HYDIN: variants seen among roughly 807,000 people sequenced by gnomAD.
The protein encoded by HYDIN is HYDIN axonemal central pair apparatus protein.
HYDIN carries 132 observed loss-of-function variants against 403.9 expected under a neutral mutation model. That is an observed-to-expected ratio of 0.33 (90% CI 0.28 to 0.38). HYDIN has a LOEUF of 0.38. Ranked by LOEUF, HYDIN falls within the 10% of genes least tolerant of loss-of-function variation. HYDIN has a pLI of 1.00. For synonymous variants in HYDIN, 1,202 were observed against 1,891.7 expected, an observed-to-expected ratio of 0.64 and a Z score of 9.46; for missense variants, 2,827 against 5,009.5, an observed-to-expected ratio of 0.56 and a Z score of 13.15.
chr16:70,862,859 TG>T (rs2039498233), intron 68 of HYDIN, among the ~76,000 whole-genome samples: 1 of 152,094 alleles, frequency 6.6e-6, no homozygotes, highest in South Asian at 2.1e-4. Flanking sequence ...TATCTTGAGA[TG>T]GGGCATTGGC....
chr16:70,902,821 A>AT lies in HYDIN; in HGVS notation c.8849+803dup, dbSNP rs60618592. On this transcript the variant is annotated intron_variant, in intron 52 of 85. Coordinates refer to ENST00000393567, the MANE Select transcript of HYDIN (RefSeq NM_001270974.2). The stretch of plus-strand genomic sequence containing the variant: ...TATATATATATATATATATATATAT[A>AT]TTTTTTTTTTTTTTTTTGTCCCACT... Among the ~76,000 whole-genome samples, 30 of 47,304 alleles carry AT rather than the reference A, an allele frequency of 6.3e-4. 2 individuals are homozygous for AT. Among genetic ancestry groups the AT allele is most frequent in the Middle Eastern group, 0.03 (2 of 66 alleles). 31.0% of individuals were successfully genotyped at this position (47,304 alleles called of 152,430 possible).
At chr16:70,957,140 C>A (rs2078266599) in intron 39 of HYDIN, among the ~76,000 whole-genome samples, 1 of 151,506 alleles carries the variant, frequency 6.6e-6, no homozygotes, top group Non-Finnish European at 1.5e-5. Flanking sequence ...CCCCAGTACC[C>A]ACCACCCTCC....
intron 73 of HYDIN, chr16:70,852,572 A>AC (rs1215679762): frequency 7.2e-6 from 1 of 139,294 alleles, no homozygotes; most frequent in Non-Finnish European, 1.5e-5. Context: ...AAGGAGCACT[A>AC]CCTAAACATG....
intron 52 of HYDIN, among the ~76,000 whole-genome samples, chr16:70,901,584 C>CTTTTTT (rs77192535): frequency 8.1e-6 from 1 of 123,328 alleles, no homozygotes; most frequent in South Asian, 2.5e-4. Context: ...TATTTTCTTT[C>CTTTTTT]TTTTTTTTTT....
Position 71,093,926 on chromosome 16 carries a change from A to G in HYDIN, c.1337T>C (p.Ile446Thr). ...CCCTTTGATTCGGAGGGGCAGACGG[A>G]TTTCTCGGCCTAGAAAAACAATTCA... is the stretch of plus-strand genomic sequence containing the variant. Reference protein sequence around the residue: ...TIYCDILGREIRLPLRIKGEG... With the variant: ...TIYCDILGRETRLPLRIKGEG... The change falls in exon 11 of 86, where the codon ATC becomes ACC. Residue 446 changes from isoleucine (I) to threonine (T), a missense_variant. Coordinates refer to ENST00000393567, the MANE Select transcript of HYDIN (RefSeq NM_001270974.2). 6.2e-7 allele frequency: 1 copy of G among 1,613,448 alleles called. No homozygotes were observed. The highest frequency in any genetic ancestry group is 8.5e-7 in the Non-Finnish European group (1 of 1,179,662).
chr16:70,954,679 C>T (rs60991012), intron 40 of HYDIN, among the ~76,000 whole-genome samples: 2,827 of 152,214 alleles, frequency 0.019, 47 homozygotes, highest in Middle Eastern at 0.075. Flanking sequence ...TCGGGTTGGC[C>T]GGCCCAGGCC....
rs2080921912 is a variant in HYDIN at position 71,031,784 on chromosome 16, TCAATGTC to T, written c.2656_2662del (p.Asp886LysfsTer46). On this transcript the variant is annotated frameshift_variant, in exon 19 of 86. Transcript: ENST00000393567. LOFTEE classifies it high-confidence loss of function. ...AGGAATCCGATAGGTACTGCTATTT[TCAATGTC>T]CAAAATAACACAGTCCTTGAATGTC... The T allele has an allele frequency of 7.6e-7, 1 of 1,308,298 alleles. No homozygotes were observed. The highest frequency in any genetic ancestry group is 2.3e-5 in the East Asian group (1 of 43,564). The allele number at this position is 1,308,298 out of a possible 1,614,324, so 81.0% of individuals were successfully genotyped here.
At chr16:70,877,496 T>C (rs1211916191) in intron 62 of HYDIN, among the ~76,000 whole-genome samples, 1 of 152,228 alleles carries the variant, frequency 6.6e-6, no homozygotes, top group Non-Finnish European at 1.5e-5. Flanking sequence ...CACCAGGAAC[T>C]GGTTTCATGG....
intron 5 of HYDIN, among the ~76,000 whole-genome samples, chr16:71,173,283 C>T (rs1043576616): frequency 6.6e-6 from 1 of 152,176 alleles, no homozygotes; most frequent in Non-Finnish European, 1.5e-5. Context: ...AGTATAACAA[C>T]ATTTAACTCA....
At chr16:70,999,814 G>A (rs1048349348) in intron 23 of HYDIN, among the ~76,000 whole-genome samples, 8 of 152,024 alleles carry the variant, frequency 5.3e-5, no homozygotes, top group African/African-American at 1.9e-4. Flanking sequence ...CCTTGCCCTT[G>A]AAGTAACTTT....
rs922098893 is a variant in HYDIN at position 71,145,320 on chromosome 16, T to C, written c.841+7339A>G. On this transcript the variant is annotated intron_variant, in intron 7 of 85. Transcript: ENST00000393567. ...GCCAGGCTGGAGTGTAGTGGCACGATCTTGCCTCACTGTAACCTCCGACTC... is the reference window on the plus strand; with the variant it reads ...GCCAGGCTGGAGTGTAGTGGCACGACCTTGCCTCACTGTAACCTCCGACTC... Among the ~76,000 whole-genome samples the C allele has an allele frequency of 4.7e-4, 72 of 152,008 alleles. 1 individual carries two copies. The highest frequency in any genetic ancestry group is 1.7e-3 in the African/African-American group (70 of 41,470).
intron 23 of HYDIN, among the ~76,000 whole-genome samples, chr16:71,016,868 C>A (rs1281119830): frequency 6.6e-6 from 1 of 152,056 alleles, no homozygotes; most frequent in African/African-American, 2.4e-5. Flanking sequence ...AAGCCAGTCA[C>A]GGGAAGATAC....
At chr16:71,219,303 A>AT (rs973307062) in intron 1 of HYDIN, among the ~76,000 whole-genome samples, 1 of 152,098 alleles carries the variant, frequency 6.6e-6, no homozygotes, top group Non-Finnish European at 1.5e-5. Context: ...AGAAGATGCC[A>AT]TTTTAAAAAA....
intron 5 of HYDIN, among the ~76,000 whole-genome samples, chr16:71,169,465 TAC>T (rs1345035913): frequency 6.6e-6 from 1 of 151,994 alleles, no homozygotes; most frequent in Non-Finnish European, 1.5e-5. Context: ...GGCATATATA[TAC>T]AATGGAATAC....
chr16:71,217,372 G>A (rs1167625442), intron 1 of HYDIN, among the ~76,000 whole-genome samples: 1 of 152,144 alleles, frequency 6.6e-6, no homozygotes, highest in African/African-American at 2.4e-5. Flanking sequence ...TCTGAATTAA[G>A]TAGAGATCTC....
intron 83 of HYDIN, among the ~76,000 whole-genome samples, chr16:70,824,071 A>T (rs11310919): frequency 2.9e-4 from 44 of 150,876 alleles, no homozygotes; most frequent in Admixed American, 4.0e-4. Flanking sequence ...TTTTTTTTTT[A>T]TAGTGGGAGG....
chr16:70,845,066 TC>T (rs2038106525), intron 75 of HYDIN, among the ~76,000 whole-genome samples: 1 of 44,810 alleles, frequency 2.2e-5, no homozygotes, highest in Non-Finnish European at 3.8e-5. Context: ...GGCCAGAACT[TC>T]CAACACTATG....
At chr16:71,040,804 T>A (rs1250265188) in intron 18 of HYDIN, among the ~76,000 whole-genome samples, 2 of 114,164 alleles carry the variant, frequency 1.8e-5, no homozygotes, top group Non-Finnish European at 3.8e-5. Context: ...GTCATTTACC[T>A]TTCCCAAGTG....
At chr16:71,202,832 C>T (rs2088088224) in intron 1 of HYDIN, among the ~76,000 whole-genome samples, 1 of 152,122 alleles carries the variant, frequency 6.6e-6, no homozygotes, top group Non-Finnish European at 1.5e-5. Context: ...GTGTAATTCC[C>T]TCTCCCTTGT....
Sources: gnomAD v4.1 joint callset for allele counts (sites outside exome capture counted in the v4.1 genomes callset) on GRCh38, gnomAD v4.1.1 for gene constraint, MANE v1.5 for transcripts, NCBI Gene and HGNC (gene_info 2026-07-23, HGNC 2026-07-21) for gene names.